The following RBFOX1 variants were observed in gnomAD, a reference collection of about 807,000 sequenced individuals.
RBFOX1 encodes RNA binding protein fox-1 homolog 1.
Under a neutral mutation model 57.7 loss-of-function variants are expected in RBFOX1, and 8 were observed. That is an observed-to-expected ratio of 0.14 (90% CI 0.08 to 0.25). The LOEUF (loss-of-function observed/expected upper bound fraction) is 0.25. Among genes scored for constraint, RBFOX1 ranks in the 10% least tolerant of loss-of-function variants. The probability of loss-of-function intolerance (pLI) is 1.00; values close to 1 mark genes in which losing one functional copy is unlikely to be tolerated. For missense variants in RBFOX1, 611 were observed against 548.5 expected, an observed-to-expected ratio of 1.11 and a Z score of -1.14; for synonymous variants, 326 against 222.4, an observed-to-expected ratio of 1.47 and a Z score of -4.15.
chr16:6,161,583 A>C (rs1439760538), intron 1 of RBFOX1, among the ~76,000 whole-genome samples: 1 of 152,130 alleles, frequency 6.6e-6, no homozygotes, highest in Admixed American at 6.5e-5. Flanking sequence ...CTGGAAAGGA[A>C]TTGCATGGCA....
chr16:6,769,069 T>C (rs1177246693), intron 3 of RBFOX1, among the ~76,000 whole-genome samples: 4 of 152,180 alleles, frequency 2.6e-5, no homozygotes, highest in Non-Finnish European at 5.9e-5. Context: ...ATTGTTTGGC[T>C]GTGTCCCCAC....
intron 4 of RBFOX1, among the ~76,000 whole-genome samples, chr16:7,341,782 CCT>C (rs1406321934): frequency 1.0e-4 from 7 of 68,778 alleles, no homozygotes; most frequent in African/African-American, 3.1e-4. Context: ...CTCCCTCCTT[CCT>C]TCCTTCCTTC....
intron 4 of RBFOX1, among the ~76,000 whole-genome samples, chr16:7,082,024 G>A (rs960098424): frequency 2.0e-5 from 3 of 152,172 alleles, no homozygotes; most frequent in Non-Finnish European, 4.4e-5. Context: ...TGGAAGAAGC[G>A]ATTGAATTCC....
At chr16:6,485,248 C>G (rs1034849827) in intron 2 of RBFOX1, among the ~76,000 whole-genome samples, 1 of 152,100 alleles carries the variant, frequency 6.6e-6, no homozygotes, top group Non-Finnish European at 1.5e-5. Context: ...CGTGTGATGC[C>G]TCCCCTCTAT....
chr16:6,688,939 C>T (rs191027747), intron 3 of RBFOX1, among the ~76,000 whole-genome samples: 4 of 151,986 alleles, frequency 2.6e-5, no homozygotes, highest in Non-Finnish European at 4.4e-5. Context: ...TTTCCAGCTT[C>T]GTCCATGTCC....
At chr16:6,977,985 T>TA (rs1220110277) in intron 3 of RBFOX1, among the ~76,000 whole-genome samples, 1 of 148,486 alleles carries the variant, frequency 6.7e-6, no homozygotes, top group Admixed American at 6.7e-5. Flanking sequence ...GCTGAATGTG[T>TA]CTTTGCAAGA....
rs71408498 is a variant in RBFOX1 at position 7,096,012 on chromosome 16, C to CAAAA, written c.27+43928_27+43931dup. Among the ~76,000 whole-genome samples the CAAAA allele has an allele frequency of 5.3e-3, 594 of 111,404 alleles. 10 individuals carry two copies. Among genetic ancestry groups the CAAAA allele is most frequent in the African/African-American group, 0.02 (560 of 28,296 alleles). 73.1% of individuals were successfully genotyped at this position (111,404 alleles called of 152,430 possible). A position where few individuals can be genotyped will look rare whatever the true frequency, so the allele number is the denominator to read the frequency against. The stretch of plus-strand genomic sequence containing the variant: ...TGGGCAACAGAGTGAGACTCTGTCT[C>CAAAA]AAAAAAAAAAAAAAAAAGAAAAGAA... On this transcript the variant is annotated intron_variant, in intron 4 of 15. Transcript: ENST00000550418.
rs533104253 is a variant in RBFOX1 at position 6,159,186 on chromosome 16, C to T, written c.-127+139194C>T. Among the ~76,000 whole-genome samples the T allele has an allele frequency of 6.3e-4, 96 of 152,312 alleles. 1 individual carries two copies. The highest frequency in any genetic ancestry group is 2.2e-3 in the African/African-American group (93 of 41,570). On this transcript the variant is annotated intron_variant, in intron 1 of 15. Coordinates refer to ENST00000550418, the MANE Select transcript of RBFOX1 (RefSeq NM_018723.4). Reference sequence around the variant, plus strand: ...CTGCCTCCCAGGTTCAAGCGACTCTCCTGCCTCGGCCTCCCGAGTAGATGG... The same window carrying T: ...CTGCCTCCCAGGTTCAAGCGACTCTTCTGCCTCGGCCTCCCGAGTAGATGG...
chr16:5,360,349 G>A (rs1383552678), intron 1 of RBFOX1, among the ~76,000 whole-genome samples: 2 of 152,220 alleles, frequency 1.3e-5, no homozygotes, highest in Non-Finnish European at 2.9e-5. Context: ...TCAGCGCCAG[G>A]CAGCTCTGCC....
intron 4 of RBFOX1, among the ~76,000 whole-genome samples, chr16:7,129,420 C>G (rs993715287): frequency 6.6e-6 from 1 of 152,046 alleles, no homozygotes; most frequent in Non-Finnish European, 1.5e-5. Context: ...AAGTTATTTT[C>G]AGAAGAAGTA....
intron 2 of RBFOX1, among the ~76,000 whole-genome samples, chr16:6,434,730 C>T (rs748501260): frequency 5.3e-5 from 8 of 152,162 alleles, no homozygotes; most frequent in African/African-American, 1.7e-4. Flanking sequence ...ACAGAGAACT[C>T]TGACATTGCT....
chr16:6,134,962 A>G (rs1040842688), intron 1 of RBFOX1, among the ~76,000 whole-genome samples: 4 of 152,056 alleles, frequency 2.6e-5, no homozygotes, highest in African/African-American at 9.7e-5. Context: ...ATCGTTTAAC[A>G]TTAGGTATAT....
chr16:7,180,989 A>G (rs990290329), intron 4 of RBFOX1, among the ~76,000 whole-genome samples: 2 of 152,210 alleles, frequency 1.3e-5, no homozygotes, highest in Admixed American at 6.5e-5. Context: ...AAGCAGTCAT[A>G]GGCAATGCAA....
intron 3 of RBFOX1, among the ~76,000 whole-genome samples, chr16:6,730,224 A>G (rs2068189494): frequency 6.6e-6 from 1 of 152,156 alleles, no homozygotes; most frequent in African/African-American, 2.4e-5. Context: ...CTGAGCAAAT[A>G]TATATGGTTC....
chr16:6,455,158 G>C (rs1259064891), intron 2 of RBFOX1, among the ~76,000 whole-genome samples: 1 of 151,674 alleles, frequency 6.6e-6, no homozygotes, highest in Non-Finnish European at 1.5e-5. Context: ...CTCCCAAAGT[G>C]CTGGGATTAC....
chr16:6,192,224 G>C (rs991213618), intron 1 of RBFOX1, among the ~76,000 whole-genome samples: 3 of 152,114 alleles, frequency 2.0e-5, no homozygotes, highest in African/African-American at 7.2e-5. Flanking sequence ...CTCGGGACCA[G>C]TCCTTGGGTG....
At chr16:7,603,292 G>A (rs1048137091) in intron 9 of RBFOX1, among the ~76,000 whole-genome samples, 3 of 152,144 alleles carry the variant, frequency 2.0e-5, no homozygotes, top group Admixed American at 6.5e-5. Flanking sequence ...TTTCTTTAGA[G>A]AAAAACCAAG....
At chr16:6,548,242 T>C (rs762385849) in intron 2 of RBFOX1, among the ~76,000 whole-genome samples, 1 of 152,224 alleles carries the variant, frequency 6.6e-6, no homozygotes, top group African/African-American at 2.4e-5. Context: ...TGTTTTGTTT[T>C]GCTAGATGTC....
intron 3 of RBFOX1, among the ~76,000 whole-genome samples, chr16:6,766,226 G>T (rs1434091402): frequency 1.3e-5 from 2 of 152,002 alleles, no homozygotes; most frequent in African/African-American, 4.8e-5. Context: ...ACCAGAATTT[G>T]ATTTCACTTT....
Sources: allele counts gnomAD v4.1 joint callset (sites outside exome capture counted in the v4.1 genomes callset), GRCh38; gene constraint gnomAD v4.1.1; transcripts MANE v1.5; gene names NCBI Gene and HGNC (gene_info 2026-07-23, HGNC 2026-07-21).